TANGO6: variants seen among roughly 807,000 people sequenced by gnomAD.
TANGO6 encodes the protein transport and golgi organization 6 homolog, also known as transport and Golgi organization protein 6 homolog.
In TANGO6, 90 loss-of-function variants were observed where a neutral mutation model predicts 114.2. That is an observed-to-expected ratio of 0.79 (90% CI 0.66 to 0.94). The LOEUF is 0.94. TANGO6 is among the 40% of genes least tolerant of loss of function. The probability of loss-of-function intolerance (pLI) is 0.00; values close to 1 mark genes in which losing one functional copy is unlikely to be tolerated. For synonymous variants in TANGO6, 477 were observed against 509.8 expected (o/e 0.94, Z 0.87); for missense variants, 1,274 against 1,315.3 (o/e 0.97, Z 0.49).
At chr16:68,923,456 G>A (rs1282089853) in intron 12 of TANGO6, among the ~76,000 whole-genome samples, 4 of 152,230 alleles carry the variant, frequency 2.6e-5, no homozygotes, top group South Asian at 2.1e-4. Flanking sequence ...GGGACGAGCC[G>A]CTGAAATCTG....
At chr16:68,882,725 T>TAA (rs111519400) in intron 7 of TANGO6, among the ~76,000 whole-genome samples, 4 of 148,886 alleles carry the variant, frequency 2.7e-5, no homozygotes, top group African/African-American at 7.4e-5. Flanking sequence ...CCAGTTTTAT[T>TAA]AAAAAAAAAA....
intron 17 of TANGO6, among the ~76,000 whole-genome samples, chr16:69,058,473 G>T (rs1018094372): frequency 1.3e-5 from 2 of 152,178 alleles, no homozygotes; most frequent in Non-Finnish European, 2.9e-5. Context: ...GGTCCAGAAG[G>T]TTTACATTCG....
chr16:69,069,959 C>T (rs1262381948), intron 17 of TANGO6, among the ~76,000 whole-genome samples: 1 of 150,854 alleles, frequency 6.6e-6, no homozygotes, highest in African/African-American at 2.4e-5. Flanking sequence ...GTAATCCCAG[C>T]ACTTTGGGAG....
intron 17 of TANGO6, among the ~76,000 whole-genome samples, chr16:69,053,742 G>C (rs1367444820): frequency 6.6e-6 from 1 of 152,154 alleles, no homozygotes; most frequent in African/African-American, 2.4e-5. Flanking sequence ...CTATGTTGAA[G>C]TCTTTCTTGG....
At chr16:69,072,305 A>G (rs1335401559) in intron 17 of TANGO6, among the ~76,000 whole-genome samples, 2 of 152,076 alleles carry the variant, frequency 1.3e-5, no homozygotes, top group Non-Finnish European at 2.9e-5. Context: ...ACTGACTGCA[A>G]GCAGCTAAAC....
intron 7 of TANGO6, among the ~76,000 whole-genome samples, chr16:68,898,466 C>T (rs1339411703): frequency 6.6e-6 from 1 of 152,056 alleles, no homozygotes; most frequent in Non-Finnish European, 1.5e-5. Flanking sequence ...AAATAAGGGC[C>T]TCTTTGAGCT....
Position 69,060,700 on chromosome 16 carries a change from C to G in TANGO6, c.3108+20279C>G, listed in dbSNP as rs2152239937. On this transcript the variant is annotated intron_variant, in intron 17 of 17. Transcript: ENST00000261778. ...TGACTTTTTAGATCTTGATCTTTAACCGGGAATTCTAAGCCAGGCATGGTG... is the reference window on the plus strand; with the variant it reads ...TGACTTTTTAGATCTTGATCTTTAAGCGGGAATTCTAAGCCAGGCATGGTG... Among the ~76,000 whole-genome samples the G allele has an allele frequency of 1.3e-5, 2 of 152,062 alleles. 1 individual carries two copies. The highest frequency in any genetic ancestry group is 6.8e-3 in the Middle Eastern group (2 of 294).
intron 14 of TANGO6, chr16:68,973,738 A>C: frequency 5.0e-6 from 2 of 403,704 alleles, no homozygotes; most frequent in South Asian, 6.4e-5. Flanking sequence ...ACAGGAATGG[A>C]GAACTGCAGC....
At chr16:68,879,935 C>T (rs1019372291) in intron 6 of TANGO6, among the ~76,000 whole-genome samples, 28 of 147,842 alleles carry the variant, frequency 1.9e-4, no homozygotes, top group Admixed American at 5.4e-4. Flanking sequence ...ATTTTCATTT[C>T]ATCCAATCCC....
rs1963819376 is a variant in TANGO6 at position 68,980,428 on chromosome 16, TA to T, written c.2842+6261del. ...CTCTCTCTATATATATATATATATA[TA>T]TATATATTTTTTTTTTTTTTTTTGA... is the stretch of plus-strand genomic sequence containing the variant. On this transcript the variant is annotated intron_variant, in intron 15 of 17. Transcript: ENST00000261778. 6.8e-5 allele frequency among the ~76,000 whole-genome samples: 7 copies of T among 103,350 alleles called. No homozygotes were observed. In the South Asian group the frequency reaches 1.7e-3, roughly 26 times the overall value. The allele number at this position is 103,350 out of a possible 152,430, so 67.8% of individuals were successfully genotyped here.
At chr16:68,873,115 C>G (rs1483562731) in intron 4 of TANGO6, among the ~76,000 whole-genome samples, 1 of 151,812 alleles carries the variant, frequency 6.6e-6, no homozygotes, top group African/African-American at 2.4e-5. Context: ...ACCCTCCCCC[C>G]ATGTCCCCCC....
intron 17 of TANGO6, among the ~76,000 whole-genome samples, chr16:69,064,650 A>G (rs1960187736): frequency 1.3e-5 from 2 of 152,206 alleles, no homozygotes; most frequent in South Asian, 4.1e-4. Context: ...GATCTGACAG[A>G]TGCAGATTTG....
At chr16:68,914,958 T>TACACACACACACACACAC (rs3061679) in intron 11 of TANGO6, among the ~76,000 whole-genome samples, 2 of 135,250 alleles carry the variant, frequency 1.5e-5, no homozygotes, top group Admixed American at 7.6e-5. Flanking sequence ...TTTTGATATC[T>TACACACACACACACACAC]ACACACACAC....
chr16:68,904,919 C>T (rs944583273), intron 9 of TANGO6, among the ~76,000 whole-genome samples: 20 of 151,836 alleles, frequency 1.3e-4, no homozygotes, highest in African/African-American at 3.9e-4. Flanking sequence ...GGCAACATAG[C>T]GAGACTCCAT....
chr16:68,995,758 T>G (rs967687877), intron 15 of TANGO6, among the ~76,000 whole-genome samples: 3 of 152,180 alleles, frequency 2.0e-5, no homozygotes, highest in Non-Finnish European at 4.4e-5. Context: ...ACCCATGCCT[T>G]ACGAAGTTAA....
chr16:68,939,115 A>C (rs947997867), intron 14 of TANGO6, among the ~76,000 whole-genome samples: 2 of 151,518 alleles, frequency 1.3e-5, no homozygotes, highest in Admixed American at 6.6e-5. Context: ...ACAACAACAA[A>C]AAAAACCTTA....
In TANGO6 at chr16:68,904,098, T is replaced by TTTTTG. The variant is rs569169231; in HGVS notation, c.1667+1614_1667+1618dup. 1.1e-4 allele frequency among the ~76,000 whole-genome samples: 16 copies of TTTTTG among 152,134 alleles called. No homozygotes were observed. The East Asian group carries it at 1.2e-3, about 11-fold the overall frequency. On this transcript the variant is annotated intron_variant, in intron 9 of 17. Coordinates refer to ENST00000261778, the MANE Select transcript of TANGO6 (RefSeq NM_024562.2). ...TGCTTCTTAAGATAATTGTCATGTG[T>TTTTTG]TTTTGTTTTGTTTTGTTTTGTTTTT...
intron 15 of TANGO6, among the ~76,000 whole-genome samples, chr16:69,018,588 C>T (rs546278797): frequency 6.6e-6 from 1 of 151,906 alleles, no homozygotes; most frequent in Non-Finnish European, 1.5e-5. Context: ...TATGTCCTTT[C>T]TCTTTTTTCC....
chr16:69,015,565 T>C (rs932347136), intron 15 of TANGO6, among the ~76,000 whole-genome samples: 1 of 151,940 alleles, frequency 6.6e-6, no homozygotes, highest in Non-Finnish European at 1.5e-5. Flanking sequence ...AACTGTAAGC[T>C]CCACCTCCTG....
Sources: allele counts gnomAD v4.1 joint callset (sites outside exome capture counted in the v4.1 genomes callset), GRCh38; gene constraint gnomAD v4.1.1; transcripts MANE v1.5; gene names NCBI Gene and HGNC (gene_info 2026-07-23, HGNC 2026-07-21).